Variants in ZNF280D observed in about 807,000 individuals in gnomAD.
The protein encoded by ZNF280D is zinc finger protein 280D, also known as suppressor of hairy wing homolog 4.
Under a neutral mutation model 94.7 loss-of-function variants are expected in ZNF280D, and 39 were observed. The observed-to-expected ratio is 0.41, with a 90% confidence interval of 0.32 to 0.54. ZNF280D has a LOEUF of 0.54. Among genes scored for constraint, ZNF280D ranks in the 20% least tolerant of loss-of-function variants. The pLI, the probability that ZNF280D is intolerant of heterozygous loss-of-function variation, is 0.22. For synonymous variants in ZNF280D, 398 were observed against 377.6 expected (o/e 1.05, Z -0.63); for missense variants, 1,090 against 1,149.3 (o/e 0.95, Z 0.75).
chr15:56,720,293 C>T (rs2058286782), intron 1 of ZNF280D, among the ~76,000 whole-genome samples: 1 of 152,154 alleles, frequency 6.6e-6, no homozygotes, highest in Non-Finnish European at 1.5e-5. Context: ...AACTACTCAT[C>T]CATAAGAAAC....
Position 56,631,805 on chromosome 15 carries a change from GAAGAAA to G in ZNF280D, c.2627_2632del (p.Phe876_Ser877del), listed in dbSNP as rs780451742. ...TAATCGCAAATCCTTAATATTCTTT[GAAGAAA>G]ATCTGGCTTCACTGGAGTTGTGATC... On this transcript the variant is annotated inframe_deletion, in exon 22 of 22. Transcript: ENST00000267807. The G allele has an allele frequency of 3.7e-6, 6 of 1,614,038 alleles. No individual in the cohort carries two copies. The African/African-American group carries it at 8.0e-5, about 22-fold the overall frequency.
At chr15:56,692,543 T>C (rs1262439241) in intron 7 of ZNF280D, among the ~76,000 whole-genome samples, 1 of 152,112 alleles carries the variant, frequency 6.6e-6, no homozygotes, top group African/African-American at 2.4e-5. Flanking sequence ...CAAAGAACTT[T>C]AAATGTTCCT....
At chr15:56,653,485 C>T (rs879660710) in intron 19 of ZNF280D, 3 of 1,510,660 alleles carry the variant, frequency 2.0e-6, no homozygotes, top group Non-Finnish European at 2.6e-6. Flanking sequence ...GTCCCACAGT[C>T]AAATTATTCA....
At chr15:56,700,055 T>G in intron 6 of ZNF280D, 1 of 266,004 alleles carries the variant, frequency 3.8e-6, no homozygotes, top group Non-Finnish European at 5.8e-6. Context: ...AAACAGTCTT[T>G]GATTATAATG....
At chr15:56,642,852 G>A (rs2052696202) in intron 20 of ZNF280D, 100 bp downstream of exon 20, 1 of 645,010 alleles carries the variant, frequency 1.6e-6, no homozygotes, top group East Asian at 3.5e-5. Flanking sequence ...CCCAAATATT[G>A]TTGATGTATG....
At chr15:56,669,937 T>TATATATATATATA (rs1491182696) in intron 13 of ZNF280D, among the ~76,000 whole-genome samples, 29 of 1,444 alleles carry the variant, frequency 0.02, 4 homozygotes, top group Non-Finnish European at 0.033. Context: ...ATATATATAT[T>TATATATATATATA]ATATATATAT....
chr15:56,723,504 A>G (rs1185230343), intron 1 of ZNF280D, among the ~76,000 whole-genome samples: 2 of 152,232 alleles, frequency 1.3e-5, no homozygotes, highest in African/African-American at 2.4e-5. Flanking sequence ...AGTGAACCGT[A>G]TATTTTTAAA....
intron 1 of ZNF280D, among the ~76,000 whole-genome samples, chr15:56,710,482 G>C (rs1042622541): frequency 6.6e-6 from 1 of 151,534 alleles, no homozygotes; most frequent in African/African-American, 2.4e-5. Context: ...CTCAGGTACA[G>C]ATTACATGCC....
At position 56,643,030 on chromosome 15, in the gene ZNF280D, T is replaced by G. The variant is rs2052706929; in HGVS notation, c.2214-33A>C. Reference sequence around the variant, plus strand: ...ACAAGATAAGTATTGAATATTTTATTTTATATGTACGATGGTAAAATATGA... The same window carrying G: ...ACAAGATAAGTATTGAATATTTTATGTTATATGTACGATGGTAAAATATGA... On this transcript the variant is annotated intron_variant, in intron 19 of 21. Transcript: ENST00000267807. 10 of 1,367,094 alleles carry G rather than the reference T, an allele frequency of 7.3e-6. No individual in the cohort carries two copies. The South Asian group carries it at 1.2e-4, about 16-fold the overall frequency. 84.7% of individuals were successfully genotyped at this position (1,367,094 alleles called of 1,614,324 possible).
At chr15:56,652,130 T>C (rs1394589174) in intron 19 of ZNF280D, among the ~76,000 whole-genome samples, 1 of 151,698 alleles carries the variant, frequency 6.6e-6, no homozygotes, top group East Asian at 1.9e-4. Context: ...TCACTTAAAA[T>C]ATAAATTAGT....
In ZNF280D at chr15:56,704,014, T is replaced by C; in HGVS notation, c.175+107A>G. 4.1e-6 allele frequency: 5 copies of C among 1,212,508 alleles called. No individual in the cohort carries two copies. The South Asian group carries it at 7.3e-5, about 18-fold the overall frequency. 75.1% of individuals were successfully genotyped at this position (1,212,508 alleles called of 1,614,324 possible). ...TTCCTCAAGTCCCCAATCATGTTCC[T>C]CTTTACAGTGGAACATGAACATCAA... On this transcript the variant is annotated intron_variant, in intron 4 of 21. Transcript: ENST00000267807.
At chr15:56,709,864 G>T (rs1596609349) in intron 1 of ZNF280D, among the ~76,000 whole-genome samples, 1 of 152,242 alleles carries the variant, frequency 6.6e-6, no homozygotes. Flanking sequence ...GTCGTTGGGT[G>T]GGGGTAGAGG....
At chr15:56,670,189 G>A (rs1431476677) in intron 13 of ZNF280D, among the ~76,000 whole-genome samples, 2 of 144,712 alleles carry the variant, frequency 1.4e-5, no homozygotes, top group South Asian at 2.2e-4. Context: ...AAATACAACT[G>A]TTTATTTATT....
At chr15:56,673,304 C>A (rs1347107339) in intron 13 of ZNF280D, among the ~76,000 whole-genome samples, 1 of 151,986 alleles carries the variant, frequency 6.6e-6, no homozygotes, top group East Asian at 1.9e-4. Context: ...CTTATTCAGT[C>A]TTCCCCATAT....
intron 16 of ZNF280D, among the ~76,000 whole-genome samples, chr15:56,658,777 A>T (rs1189016831): frequency 6.6e-6 from 1 of 152,216 alleles, no homozygotes; most frequent in Non-Finnish European, 1.5e-5. Flanking sequence ...TGTAAAGAAC[A>T]TCAAATTACA....
chr15:56,708,844 T>C (rs952239565), intron 1 of ZNF280D, among the ~76,000 whole-genome samples: 1 of 152,092 alleles, frequency 6.6e-6, no homozygotes, highest in South Asian at 2.1e-4. Flanking sequence ...TTACACCTTA[T>C]ACAAAAATTA....
chr15:56,691,465 G>C (rs1048951184), intron 7 of ZNF280D, among the ~76,000 whole-genome samples: 10 of 152,110 alleles, frequency 6.6e-5, no homozygotes, highest in Admixed American at 5.2e-4. Context: ...AGTAGAAACA[G>C]ACTGCTTTAA....
chr15:56,722,817 T>C (rs1268672114), intron 1 of ZNF280D, among the ~76,000 whole-genome samples: 1 of 151,802 alleles, frequency 6.6e-6, no homozygotes, highest in Non-Finnish European at 1.5e-5. Flanking sequence ...AGCAAAGACT[T>C]GGAACCAACC....
intron 17 of ZNF280D, among the ~76,000 whole-genome samples, chr15:56,657,705 C>A (rs1265417452): frequency 6.6e-6 from 1 of 152,010 alleles, no homozygotes; most frequent in East Asian, 1.9e-4. Flanking sequence ...TGACTATAAT[C>A]AAAAAGAGAT....
Sources: gnomAD v4.1 joint callset for allele counts (sites outside exome capture counted in the v4.1 genomes callset) on GRCh38, gnomAD v4.1.1 for gene constraint, MANE v1.5 for transcripts, NCBI Gene and HGNC (gene_info 2026-07-23, HGNC 2026-07-21) for gene names.